Variants in SLC4A4 observed in about 807,000 individuals in gnomAD.
SLC4A4 encodes the protein solute carrier family 4 member 4.
SLC4A4 carries 27 observed loss-of-function variants against 111.5 expected under a neutral mutation model. That is an observed-to-expected ratio of 0.24 (90% CI 0.18 to 0.33). The LOEUF is 0.33. SLC4A4 is among the 10% of genes least tolerant of loss of function. The probability of loss-of-function intolerance (pLI) is 1.00; values close to 1 mark genes in which losing one functional copy is unlikely to be tolerated. For synonymous variants in SLC4A4, 443 were observed against 463.4 expected (o/e 0.96, Z 0.57); for missense variants, 909 against 1,315.5 (o/e 0.69, Z 4.78).
chr4:71,125,109 T>C (rs1396250949), intron 2 of SLC4A4, among the ~76,000 whole-genome samples: 2 of 152,212 alleles, frequency 1.3e-5, no homozygotes, highest in Non-Finnish European at 2.9e-5. Context: ...TTTTTCTATT[T>C]ATATGTATCT....
Position 71,360,019 on chromosome 4 carries a change from G to T in SLC4A4, c.730+2832G>T, listed in dbSNP as rs4429704. Among the ~76,000 whole-genome samples, 1,205 of 152,234 alleles carry T rather than the reference G, an allele frequency of 7.9e-3. 17 individuals are homozygous for T. Among genetic ancestry groups the T allele is most frequent in the African/African-American group, 0.026 (1,067 of 41,534 alleles). ...CTCGGGAGAGCCAGTTGATATCAGG[G>T]ATTTGCAAGCTGGTTGTTAAATACA... On this transcript the variant is annotated intron_variant, in intron 6 of 25. Coordinates refer to ENST00000264485, the MANE Select transcript of SLC4A4 (RefSeq NM_001098484.3).
intron 3 of SLC4A4, among the ~76,000 whole-genome samples, chr4:71,292,611 T>A (rs1022059907): frequency 2.6e-5 from 4 of 152,162 alleles, no homozygotes; most frequent in Admixed American, 2.6e-4. Flanking sequence ...GATTCTGAAA[T>A]TTTTCTGGTT....
chr4:71,429,802 C>A, intron 7 of SLC4A4, among the ~76,000 whole-genome samples: 1 of 152,142 alleles, frequency 6.6e-6, no homozygotes, highest in Non-Finnish European at 1.5e-5. Context: ...TGTTCAACTT[C>A]ACCATAGGAA....
At chr4:71,478,730 A>G (rs1728600605) in intron 14 of SLC4A4, among the ~76,000 whole-genome samples, 1 of 151,818 alleles carries the variant, frequency 6.6e-6, no homozygotes, top group Non-Finnish European at 1.5e-5. Flanking sequence ...CTGCACATGT[A>G]TCCCAGAATT....
At chr4:71,149,665 T>C (rs1381261058) in intron 2 of SLC4A4, among the ~76,000 whole-genome samples, 1 of 152,212 alleles carries the variant, frequency 6.6e-6, no homozygotes, top group Non-Finnish European at 1.5e-5. Context: ...GTGCTCCAAA[T>C]ATGAATGGGG....
chr4:71,269,110 A>G (rs1486195869), intron 3 of SLC4A4, among the ~76,000 whole-genome samples: 2 of 152,236 alleles, frequency 1.3e-5, no homozygotes, highest in Admixed American at 1.3e-4. Context: ...TATACTAACT[A>G]TATGGTGAAG....
intron 2 of SLC4A4, among the ~76,000 whole-genome samples, chr4:71,242,989 A>G (rs1241818372): frequency 1.3e-5 from 2 of 152,300 alleles, no homozygotes; most frequent in Middle Eastern, 6.8e-3. Context: ...AGCTCTGGGT[A>G]TGAAATCTAA....
intron 8 of SLC4A4, among the ~76,000 whole-genome samples, chr4:71,443,940 G>A (rs193221099): frequency 5.3e-5 from 8 of 152,094 alleles, no homozygotes; most frequent in East Asian, 1.9e-4. Flanking sequence ...AATATTTACC[G>A]CATGTAATGC....
intron 8 of SLC4A4, among the ~76,000 whole-genome samples, chr4:71,446,882 G>A (rs1725285018): frequency 6.6e-6 from 1 of 152,214 alleles, no homozygotes; most frequent in Admixed American, 6.5e-5. Flanking sequence ...ACAGGGCAAA[G>A]GCCCTGTGTG....
At chr4:71,445,117 A>G (rs952006210) in intron 8 of SLC4A4, among the ~76,000 whole-genome samples, 1 of 152,184 alleles carries the variant, frequency 6.6e-6, no homozygotes, top group African/African-American at 2.4e-5. Flanking sequence ...GTTTATTGCT[A>G]TCGTGTAGAC....
intron 7 of SLC4A4, among the ~76,000 whole-genome samples, chr4:71,417,866 G>C (rs1176046163): frequency 6.6e-6 from 1 of 152,162 alleles, no homozygotes; most frequent in Non-Finnish European, 1.5e-5. Context: ...GTATAGTGAA[G>C]TGAATATTCA....
At chr4:71,553,081 T>G (rs943344247) in intron 20 of SLC4A4, among the ~76,000 whole-genome samples, 2 of 151,938 alleles carry the variant, frequency 1.3e-5, no homozygotes, top group Non-Finnish European at 2.9e-5. Flanking sequence ...TTTATTGAGA[T>G]GTTGCATTAT....
intron 2 of SLC4A4, among the ~76,000 whole-genome samples, chr4:71,142,761 CTTTTTTTT>C (rs34495804): frequency 1.3e-5 from 1 of 78,038 alleles, no homozygotes; most frequent in African/African-American, 4.7e-5. Flanking sequence ...TTTTCTCACT[CTTTTTTTT>C]TTTTTTTTTT....
chr4:71,370,736 C>A (rs906127700), intron 6 of SLC4A4, among the ~76,000 whole-genome samples: 1 of 152,160 alleles, frequency 6.6e-6, no homozygotes, highest in African/African-American at 2.4e-5. Flanking sequence ...TCAAGAAATT[C>A]TAGCTGTTTT....
In SLC4A4 at chr4:71,124,163, C is replaced by G. The variant is rs542331052; in HGVS notation, c.-2+31371C>G. On this transcript the variant is annotated intron_variant, in intron 2 of 26. Coordinates refer to the SLC4A4 transcript ENST00000649996. ...AACACATATCAGTTAATCAAACACC[C>G]TAGGCCCACACTTTTTTTTTTTTTT... is the stretch of plus-strand genomic sequence containing the variant. Among the ~76,000 whole-genome samples, 233 of 138,756 alleles carry G rather than the reference C, an allele frequency of 1.7e-3. 2 individuals are homozygous for G. Among genetic ancestry groups the G allele is most frequent in the Non-Finnish European group, 2.7e-3 (176 of 65,576 alleles). 91.0% of individuals were successfully genotyped at this position (138,756 alleles called of 152,430 possible).
chr4:71,390,148 G>A (rs1391286850), intron 6 of SLC4A4, among the ~76,000 whole-genome samples: 1 of 151,922 alleles, frequency 6.6e-6, no homozygotes, highest in Non-Finnish European at 1.5e-5. Flanking sequence ...TTAATAACCT[G>A]TTGCTGTCTA....
chr4:71,472,631 G>C (rs1727988465), intron 13 of SLC4A4, 68 bp from the exon 14 acceptor site: 3 of 1,477,004 alleles, frequency 2.0e-6, no homozygotes, highest in African/African-American at 1.4e-5. Context: ...GTAGACATTT[G>C]GTAGTTTTAT....
At chr4:71,425,209 C>T (rs573731094) in intron 7 of SLC4A4, among the ~76,000 whole-genome samples, 251 of 152,154 alleles carry the variant, frequency 1.6e-3, no homozygotes, top group African/African-American at 5.8e-3. Flanking sequence ...AGAAGATCAT[C>T]GGAGAAATGT....
intron 1 of SLC4A4, among the ~76,000 whole-genome samples, chr4:71,066,326 A>C (rs1741515655): frequency 6.6e-6 from 1 of 152,188 alleles, no homozygotes; most frequent in African/African-American, 2.4e-5. Flanking sequence ...ACAAAACATC[A>C]TTATTCCTTA....
Sources: allele counts gnomAD v4.1 joint callset (sites outside exome capture counted in the v4.1 genomes callset), GRCh38; gene constraint gnomAD v4.1.1; transcripts MANE v1.5; gene names NCBI Gene and HGNC (gene_info 2026-07-23, HGNC 2026-07-21).